The following WWOX variants were observed in gnomAD, a reference collection of about 807,000 sequenced individuals.
The protein encoded by WWOX is WW domain-containing oxidoreductase.
In WWOX, 69 loss-of-function variants were observed where a neutral mutation model predicts 46.2. The observed-to-expected ratio is 1.49, with a 90% confidence interval of 1.23 to 1.82. The LOEUF (loss-of-function observed/expected upper bound fraction) is 1.82. WWOX is among the 40% of genes most tolerant of loss of function. The pLI is 0.00. For synonymous variants in WWOX, 359 were observed against 202.6 expected, an observed-to-expected ratio of 1.77 and a Z score of -6.56; for missense variants, 919 against 542.6, an observed-to-expected ratio of 1.69 and a Z score of -6.89.
At chr16:78,784,625 A>G (rs1457245227) in intron 8 of WWOX, among the ~76,000 whole-genome samples, 3 of 152,210 alleles carry the variant, frequency 2.0e-5, no homozygotes, top group Non-Finnish European at 2.9e-5. Context: ...TAATAGATAT[A>G]AAGCACTTAG....
At chr16:78,227,740 G>A (rs201639530) in intron 5 of WWOX, among the ~76,000 whole-genome samples, 1 of 152,072 alleles carries the variant, frequency 6.6e-6, no homozygotes, top group East Asian at 1.9e-4. Context: ...AGCCAGGTGC[G>A]GTGGCGCAAA....
At chr16:78,856,692 G>A (rs949013289) in intron 8 of WWOX, among the ~76,000 whole-genome samples, 5 of 152,044 alleles carry the variant, frequency 3.3e-5, no homozygotes, top group Non-Finnish European at 7.4e-5. Flanking sequence ...ATGGGAAGGG[G>A]CATATAATTC....
At chr16:78,750,515 G>T (rs887830729) in intron 8 of WWOX, among the ~76,000 whole-genome samples, 1 of 152,040 alleles carries the variant, frequency 6.6e-6, no homozygotes, top group Non-Finnish European at 1.5e-5. Context: ...GTTTCGGGGG[G>T]TACATGTGTA....
At chr16:78,316,096 A>C (rs1419469621) in intron 5 of WWOX, among the ~76,000 whole-genome samples, 1 of 151,144 alleles carries the variant, frequency 6.6e-6, no homozygotes, top group East Asian at 2.0e-4. Context: ...AAATAAAAAA[A>C]AAATCAGGCA....
At chr16:78,576,348 G>C (rs960679521) in intron 8 of WWOX, among the ~76,000 whole-genome samples, 1 of 152,088 alleles carries the variant, frequency 6.6e-6, no homozygotes, top group Non-Finnish European at 1.5e-5. Context: ...CTTCATAATT[G>C]AAGTTCACCT....
At chr16:79,159,378 G>A (rs903303415) in intron 8 of WWOX, among the ~76,000 whole-genome samples, 1 of 152,174 alleles carries the variant, frequency 6.6e-6, no homozygotes, top group Non-Finnish European at 1.5e-5. Flanking sequence ...CTGGCTAGAT[G>A]AATGGCATGT....
At chr16:78,299,206 G>C in intron 5 of WWOX, among the ~76,000 whole-genome samples, 1 of 152,160 alleles carries the variant, frequency 6.6e-6, no homozygotes, top group Non-Finnish European at 1.5e-5. Flanking sequence ...GCGTGAAGTG[G>C]AGGCTATTAC....
intron 8 of WWOX, among the ~76,000 whole-genome samples, chr16:78,691,784 C>T (rs1381925064): frequency 2.6e-5 from 4 of 152,132 alleles, no homozygotes; most frequent in East Asian, 3.9e-4. Flanking sequence ...ACTATTAGCT[C>T]CCAGTTTATA....
intron 5 of WWOX, among the ~76,000 whole-genome samples, chr16:78,207,477 C>T (rs1361182072): frequency 1.3e-5 from 2 of 151,278 alleles, no homozygotes; most frequent in Admixed American, 6.6e-5. Flanking sequence ...TTTGTCAGCA[C>T]TAAGTATTAT....
chr16:78,261,273 A>AGATC (rs2079226065), intron 5 of WWOX, among the ~76,000 whole-genome samples: 1 of 139,742 alleles, frequency 7.2e-6, no homozygotes, highest in Admixed American at 7.4e-5. Flanking sequence ...GTAGATAGAT[A>AGATC]GATAGATAGA....
intron 8 of WWOX, among the ~76,000 whole-genome samples, chr16:78,814,151 C>A (rs143779357): frequency 6.6e-6 from 1 of 152,310 alleles, no homozygotes; most frequent in Admixed American, 6.5e-5. Flanking sequence ...CAGATCCTCC[C>A]GCTGCCGGCA....
intron 6 of WWOX, among the ~76,000 whole-genome samples, chr16:78,422,684 T>TATATATATACAC (rs1263877025): frequency 3.8e-5 from 2 of 52,964 alleles, no homozygotes; most frequent in East Asian, 4.8e-4. Flanking sequence ...TATATATATA[T>TATATATATACAC]ACACACACAC....
intron 8 of WWOX, among the ~76,000 whole-genome samples, chr16:78,731,326 T>C (rs1243474555): frequency 1.3e-5 from 2 of 152,162 alleles, no homozygotes; most frequent in Non-Finnish European, 2.9e-5. Context: ...CCTCTGCTTT[T>C]TCAGGTAGAG....
intron 5 of WWOX, among the ~76,000 whole-genome samples, chr16:78,223,124 T>G (rs2036945378): frequency 6.6e-6 from 1 of 152,190 alleles, no homozygotes; most frequent in South Asian, 2.1e-4. Flanking sequence ...AGGCTGTGAC[T>G]GTCAGTAGCA....
At chr16:79,110,211 C>T (rs1274272652) in intron 8 of WWOX, among the ~76,000 whole-genome samples, 1 of 152,166 alleles carries the variant, frequency 6.6e-6, no homozygotes, top group Non-Finnish European at 1.5e-5. Flanking sequence ...CACTGATTGG[C>T]AACCACCAGG....
At chr16:78,150,020 C>G (rs2034343996) in intron 4 of WWOX, among the ~76,000 whole-genome samples, 1 of 152,204 alleles carries the variant, frequency 6.6e-6, no homozygotes, top group Non-Finnish European at 1.5e-5. Context: ...AGAGTCAGCA[C>G]AGACCCCATG....
intron 8 of WWOX, among the ~76,000 whole-genome samples, chr16:78,951,040 A>G (rs372677236): frequency 1.1e-4 from 16 of 152,302 alleles, no homozygotes; most frequent in African/African-American, 3.6e-4. Context: ...GGTGGCAGCA[A>G]TTGTAGGACA....
rs1004044133 is a variant in WWOX at position 79,006,382 on chromosome 16, C to G, written c.1057-205226C>G. On this transcript the variant is annotated intron_variant, in intron 8 of 8. Coordinates refer to ENST00000566780, the MANE Select transcript of WWOX (RefSeq NM_016373.4). ...GCATGGCACCGGCAGAGGATGAAGACAGGGCTGGGGAGGGGCATGGGGTTA... is the reference window on the plus strand; with the variant it reads ...GCATGGCACCGGCAGAGGATGAAGAGAGGGCTGGGGAGGGGCATGGGGTTA... Among the ~76,000 whole-genome samples, 14 of 152,258 alleles carry G rather than the reference C, an allele frequency of 9.2e-5. 1 individual carries two copies. Among genetic ancestry groups the G allele is most frequent in the African/African-American group, 3.4e-4 (14 of 41,544 alleles).
intron 5 of WWOX, among the ~76,000 whole-genome samples, chr16:78,214,790 G>C (rs2036664872): frequency 6.6e-6 from 1 of 150,730 alleles, no homozygotes; most frequent in African/African-American, 2.4e-5. Context: ...CTTTATCATT[G>C]TGAAAACAGT....
Sources: gnomAD v4.1 joint callset for allele counts (sites outside exome capture counted in the v4.1 genomes callset) on GRCh38, gnomAD v4.1.1 for gene constraint, MANE v1.5 for transcripts, NCBI Gene and HGNC (gene_info 2026-07-23, HGNC 2026-07-21) for gene names.